MYRIP: variants seen among roughly 807,000 people sequenced by gnomAD.
MYRIP encodes rab effector MyRIP.
In MYRIP, 49 loss-of-function variants were observed where a neutral mutation model predicts 98.0. The observed-to-expected ratio is 0.50, with a 90% CI of 0.40 to 0.63. The LOEUF is 0.63. MYRIP is among the 30% of genes least tolerant of loss of function. MYRIP has a pLI of 0.00. For synonymous variants in MYRIP, 404 were observed against 409.5 expected (o/e 0.99, Z 0.16); for missense variants, 1,004 against 1,058.2 (o/e 0.95, Z 0.71).
At chr3:40,208,158 T>C (rs954589851) in intron 10 of MYRIP, among the ~76,000 whole-genome samples, 2 of 152,084 alleles carry the variant, frequency 1.3e-5, no homozygotes, top group South Asian at 2.1e-4. Context: ...TTTCAAAAGA[T>C]AGGAAAAATA....
At chr3:40,084,088 G>GAT (rs1399447894) in intron 3 of MYRIP, among the ~76,000 whole-genome samples, 1 of 118,604 alleles carries the variant, frequency 8.4e-6, no homozygotes, top group Non-Finnish European at 1.6e-5. Context: ...AGGGAGCCGA[G>GAT]ATCACACCAC....
At chr3:40,116,280 G>A (rs1949276570) in intron 3 of MYRIP, among the ~76,000 whole-genome samples, 1 of 152,116 alleles carries the variant, frequency 6.6e-6, no homozygotes, top group South Asian at 2.1e-4. Flanking sequence ...TCCATGAGTT[G>A]TGTAGACCTT....
chr3:40,214,138 G>A (rs184872665), intron 11 of MYRIP, among the ~76,000 whole-genome samples: 92 of 152,296 alleles, frequency 6.0e-4, no homozygotes, highest in Middle Eastern at 3.4e-3. Context: ...CCTAGACTAA[G>A]ACAAACAGAA....
At chr3:39,896,147 A>G (rs992421682) in intron 1 of MYRIP, among the ~76,000 whole-genome samples, 6 of 152,228 alleles carry the variant, frequency 3.9e-5, no homozygotes, top group Admixed American at 2.0e-4. Context: ...TAATAAAAGG[A>G]TATTTGGTGC....
At chr3:39,847,688 A>G (rs535282831) in intron 1 of MYRIP, among the ~76,000 whole-genome samples, 1 of 152,192 alleles carries the variant, frequency 6.6e-6, no homozygotes, top group East Asian at 1.9e-4. Flanking sequence ...TCCTCTCTCC[A>G]GTGGCATTGT....
At position 40,023,603 on chromosome 3, in the gene MYRIP, T is replaced by C. The variant is rs116763137; in HGVS notation, c.111-20447T>C. Among the ~76,000 whole-genome samples the C allele has an allele frequency of 7.1e-3, 1,081 of 152,234 alleles. 15 individuals carry two copies. Among genetic ancestry groups the C allele is most frequent in the African/African-American group, 0.025 (1,024 of 41,530 alleles). ...CCACAGTCTCCTGCCTCTGCTGGAATGTAAAGCCGAAAAATGACGTCTCCC... is the reference window on the plus strand; with the variant it reads ...CCACAGTCTCCTGCCTCTGCTGGAACGTAAAGCCGAAAAATGACGTCTCCC... On this transcript the variant is annotated intron_variant, in intron 2 of 16. Transcript: ENST00000302541.
At chr3:39,964,482 T>A (rs1227479259) in intron 2 of MYRIP, among the ~76,000 whole-genome samples, 1 of 152,136 alleles carries the variant, frequency 6.6e-6, no homozygotes, top group Non-Finnish European at 1.5e-5. Context: ...CTCTATTAGT[T>A]ATTAGGTTAC....
At chr3:39,858,333 T>G (rs1942366438) in intron 1 of MYRIP, among the ~76,000 whole-genome samples, 1 of 152,110 alleles carries the variant, frequency 6.6e-6, no homozygotes, top group African/African-American at 2.4e-5. Flanking sequence ...AAGGGGCCAA[T>G]TCATCAAAAA....
At chr3:39,885,485 T>A (rs1304307889) in intron 1 of MYRIP, among the ~76,000 whole-genome samples, 2 of 152,072 alleles carry the variant, frequency 1.3e-5, no homozygotes, top group African/African-American at 2.4e-5. Flanking sequence ...TTGGAGTTGC[T>A]CTTCTCGCGG....
chr3:39,864,437 A>G (rs900697073), intron 1 of MYRIP, among the ~76,000 whole-genome samples: 1 of 152,134 alleles, frequency 6.6e-6, no homozygotes, highest in Admixed American at 6.6e-5. Context: ...CTGATTAATA[A>G]CTTTACAATA....
rs866296795 is a variant in MYRIP at position 40,156,311 on chromosome 3, G to A, written c.469+5127G>A. ...AAAGATCAGATAGTTGTAGATATGC[G>A]GCATTATTTCTGAGGGCTCTGTTCT... On this transcript the variant is annotated intron_variant, in intron 4 of 16. Transcript: ENST00000302541. Among the ~76,000 whole-genome samples, 337 of 152,102 alleles carry A rather than the reference G, an allele frequency of 2.2e-3. 3 individuals are homozygous for A. The highest frequency in any genetic ancestry group is 3.7e-3 in the Non-Finnish European group (252 of 68,010).
At chr3:40,074,077 CT>C (rs34272356) in intron 3 of MYRIP, among the ~76,000 whole-genome samples, 58,725 of 143,876 alleles carry the variant, frequency 0.41, 11,816 homozygotes, top group Admixed American at 0.47. Flanking sequence ...TATTTAGAAA[CT>C]TTTTTTTTTT....
intron 3 of MYRIP, among the ~76,000 whole-genome samples, chr3:40,099,175 G>C (rs1263081675): frequency 6.6e-6 from 1 of 152,064 alleles, no homozygotes; most frequent in Admixed American, 6.6e-5. Context: ...GAAGAGGATG[G>C]GTGTTGCAGG....
At chr3:40,045,142 C>G (rs1319695047) in intron 3 of MYRIP, among the ~76,000 whole-genome samples, 1 of 152,136 alleles carries the variant, frequency 6.6e-6, no homozygotes, top group Non-Finnish European at 1.5e-5. Flanking sequence ...CCTTTTCCTT[C>G]TTTCCTCCTT....
intron 11 of MYRIP, among the ~76,000 whole-genome samples, chr3:40,212,212 G>GTA (rs746573780): frequency 0.18 from 8,067 of 45,248 alleles, 2,214 homozygotes; most frequent in African/African-American, 0.2. Context: ...ATACGTGTGT[G>GTA]TATATATATA....
intron 2 of MYRIP, among the ~76,000 whole-genome samples, chr3:39,965,147 A>C (rs1945411292): frequency 6.6e-6 from 1 of 152,036 alleles, no homozygotes; most frequent in African/African-American, 2.4e-5. Context: ...CATACAGTGC[A>C]TTTGTGAACA....
At chr3:40,161,144 C>G (rs1253981444) in intron 4 of MYRIP, among the ~76,000 whole-genome samples, 1 of 152,168 alleles carries the variant, frequency 6.6e-6, no homozygotes, top group East Asian at 1.9e-4. Flanking sequence ...AGAGTTTCTG[C>G]CAACTCATGA....
At chr3:39,836,939 A>T (rs1421979318) in intron 1 of MYRIP, among the ~76,000 whole-genome samples, 1 of 152,146 alleles carries the variant, frequency 6.6e-6, no homozygotes, top group Non-Finnish European at 1.5e-5. Context: ...TAGTTAATGG[A>T]GGTAGGGTAA....
chr3:40,036,324 A>AAAAAAACAAAAC lies in MYRIP; in HGVS notation c.111-7726_111-7725insAAAAAACAAAAC, dbSNP rs1553607293. Among the ~76,000 whole-genome samples the AAAAAAACAAAAC allele has an allele frequency of 1.7e-4, 21 of 125,636 alleles. No homozygotes were observed. In the East Asian group the frequency reaches 2.2e-3, roughly 13 times the overall value. The allele number at this position is 125,636 out of a possible 152,430, so 82.4% of individuals were successfully genotyped here. A position where few individuals can be genotyped will look rare whatever the true frequency, so the allele number is the denominator to read the frequency against. On this transcript the variant is annotated intron_variant, in intron 2 of 16. Transcript: ENST00000302541. ...TACCAAAAAAAAAAAAAAAAAAAAA[A>AAAAAAACAAAAC]CTTTATTCAAAATGAGCTGTCAACT...
Sources: gnomAD v4.1 joint callset for allele counts (sites outside exome capture counted in the v4.1 genomes callset) on GRCh38, gnomAD v4.1.1 for gene constraint, MANE v1.5 for transcripts, NCBI Gene and HGNC (gene_info 2026-07-23, HGNC 2026-07-21) for gene names.